MGMT: variants seen among roughly 807,000 people sequenced by gnomAD.
The protein encoded by MGMT is methylated-DNA--protein-cysteine methyltransferase.
MGMT carries 14 observed loss-of-function variants against 15.9 expected under a neutral mutation model. That is an observed-to-expected ratio of 0.88 (90% CI 0.58 to 1.37). The LOEUF is 1.37. Among genes scored for constraint, MGMT ranks in the 40% most tolerant of loss-of-function variants. MGMT has a pLI of 0.00. For synonymous variants in MGMT, 130 were observed against 118.2 expected (o/e 1.10, Z -0.65); for missense variants, 282 against 268.1 (o/e 1.05, Z -0.36).
rs1233443794 is a variant in MGMT at position 129,602,761 on chromosome 10, C to T, written c.125+66384C>T. ...CCCTCCCCCTCCTTCCTTTCCAGCT[C>T]AACATTGAGGTGAACTTTTTACCAT... On this transcript the variant is annotated intron_variant, in intron 2 of 4. Transcript: ENST00000651593. Among the ~76,000 whole-genome samples the T allele has an allele frequency of 2.6e-5, 4 of 152,056 alleles. No homozygotes were observed. The South Asian group carries it at 8.3e-4, about 32-fold the overall frequency.
At chr10:129,681,416 C>T (rs12245575) in intron 2 of MGMT, among the ~76,000 whole-genome samples, 23,091 of 152,110 alleles carry the variant, frequency 0.15, 1,869 homozygotes, top group East Asian at 0.28. Context: ...TGCTGAAAGA[C>T]GGCCAAGGTG....
At chr10:129,757,781 A>G (rs891112515) in intron 3 of MGMT, among the ~76,000 whole-genome samples, 1 of 152,216 alleles carries the variant, frequency 6.6e-6, no homozygotes, top group Non-Finnish European at 1.5e-5. Flanking sequence ...CGGTAATACA[A>G]CTGCATGTGC....
chr10:129,520,965 TACGGTGAGGGTGCAGAGCC>T (rs1845802268), intron 1 of MGMT, among the ~76,000 whole-genome samples: 1 of 87,966 alleles, frequency 1.1e-5, no homozygotes, highest in South Asian at 3.2e-4. Flanking sequence ...ACAGAGCCCC[TACGGTGAGGGTGCAGAGCC>T]CCTACGGTGC....
chr10:129,699,380 TA>T (rs1430231566), intron 2 of MGMT, among the ~76,000 whole-genome samples: 2 of 152,164 alleles, frequency 1.3e-5, no homozygotes, highest in Non-Finnish European at 2.9e-5. Flanking sequence ...AATACTATGG[TA>T]AATACCTTTG....
chr10:129,472,590 T>C (rs1415282663), intron 1 of MGMT, among the ~76,000 whole-genome samples: 1 of 152,156 alleles, frequency 6.6e-6, no homozygotes, highest in Non-Finnish European at 1.5e-5. Flanking sequence ...TGGGCTTCCG[T>C]TTGGACCTGC....
At chr10:129,543,229 G>A (rs1348404829) in intron 2 of MGMT, among the ~76,000 whole-genome samples, 1 of 152,132 alleles carries the variant, frequency 6.6e-6, no homozygotes, top group Non-Finnish European at 1.5e-5. Context: ...ATAAAGGGAA[G>A]CAGCATAACA....
At chr10:129,609,792 A>G (rs1197088098) in intron 2 of MGMT, among the ~76,000 whole-genome samples, 1 of 152,090 alleles carries the variant, frequency 6.6e-6, no homozygotes, top group African/African-American at 2.4e-5. Context: ...GGAATGGTGC[A>G]GAGGAGGAGG....
At chr10:129,757,021 G>A (rs1848814897) in intron 3 of MGMT, among the ~76,000 whole-genome samples, 2 of 152,214 alleles carry the variant, frequency 1.3e-5, no homozygotes, top group South Asian at 4.1e-4. Context: ...TTTGAGAGCT[G>A]CTTCAACTAA....
intron 2 of MGMT, among the ~76,000 whole-genome samples, chr10:129,650,547 C>A (rs921754306): frequency 6.6e-6 from 1 of 152,118 alleles, no homozygotes; most frequent in African/African-American, 2.4e-5. Flanking sequence ...CTCACCATTG[C>A]GTCCTTTTGT....
chr10:129,679,829 T>C (rs1847827443), intron 2 of MGMT, among the ~76,000 whole-genome samples: 1 of 152,208 alleles, frequency 6.6e-6, no homozygotes. Flanking sequence ...AAGTGTCGCA[T>C]ATACCAGACA....
intron 2 of MGMT, among the ~76,000 whole-genome samples, chr10:129,685,436 T>C (rs538426035): frequency 5.3e-5 from 8 of 152,258 alleles, no homozygotes; most frequent in African/African-American, 1.9e-4. Context: ...TCTAGTGCCT[T>C]TAACGTCTCC....
chr10:129,710,689 T>C (rs1010103045), intron 3 of MGMT, among the ~76,000 whole-genome samples: 1 of 152,174 alleles, frequency 6.6e-6, no homozygotes, highest in Non-Finnish European at 1.5e-5. Flanking sequence ...TCTGTCCAGG[T>C]TGTTATCTTG....
chr10:129,531,358 C>T (rs758249323), intron 1 of MGMT, among the ~76,000 whole-genome samples: 4 of 152,120 alleles, frequency 2.6e-5, no homozygotes, highest in Non-Finnish European at 4.4e-5. Context: ...GTTGAGCCTC[C>T]GCCTGGCTGG....
chr10:129,576,886 C>A (rs1846489913), intron 2 of MGMT, among the ~76,000 whole-genome samples: 1 of 152,178 alleles, frequency 6.6e-6, no homozygotes, highest in Non-Finnish European at 1.5e-5. Flanking sequence ...TTCTTATACA[C>A]CAATAACAGG....
At chr10:129,732,026 C>G (rs1474134473) in intron 3 of MGMT, among the ~76,000 whole-genome samples, 1 of 152,182 alleles carries the variant, frequency 6.6e-6, no homozygotes, top group Non-Finnish European at 1.5e-5. Flanking sequence ...TCACAAACCC[C>G]CTAAAGGGGT....
chr10:129,627,933 C>T (rs1047760501), intron 2 of MGMT, among the ~76,000 whole-genome samples: 1 of 152,138 alleles, frequency 6.6e-6, no homozygotes, highest in Non-Finnish European at 1.5e-5. Flanking sequence ...CTGTTGTGTC[C>T]TGAGTTAGCC....
At chr10:129,762,071 T>C (rs573587278) in intron 4 of MGMT, among the ~76,000 whole-genome samples, 28 of 152,350 alleles carry the variant, frequency 1.8e-4, no homozygotes, top group African/African-American at 5.8e-4. Context: ...GGAAGGGCGC[T>C]GGCCAGCAGT....
intron 1 of MGMT, among the ~76,000 whole-genome samples, chr10:129,509,276 G>A (rs749918795): frequency 1.3e-5 from 2 of 152,084 alleles, no homozygotes; most frequent in East Asian, 1.9e-4. Context: ...TATTGCGTTC[G>A]CATAGAGCGT....
At chr10:129,736,005 TGTG>T (rs1414990794) in intron 3 of MGMT, among the ~76,000 whole-genome samples, 1 of 102,386 alleles carries the variant, frequency 9.8e-6, no homozygotes, top group Non-Finnish European at 1.9e-5. Context: ...TTGGAATAGG[TGTG>T]GTGTGGTGCT....
Sources: gnomAD v4.1 joint callset for allele counts (sites outside exome capture counted in the v4.1 genomes callset) on GRCh38, gnomAD v4.1.1 for gene constraint, MANE v1.5 for transcripts, NCBI Gene and HGNC (gene_info 2026-07-23, HGNC 2026-07-21) for gene names.